The following EPM2A variants were observed in gnomAD, a reference collection of about 807,000 sequenced individuals.
EPM2A encodes laforin.
In EPM2A, 21 loss-of-function variants were observed where a neutral mutation model predicts 26.5. The observed-to-expected ratio is 0.79, with a 90% confidence interval of 0.56 to 1.14. EPM2A has a LOEUF of 1.14. Ranked by LOEUF, EPM2A falls within the 50% of genes most tolerant of loss-of-function variation. EPM2A has a pLI of 0.00. For missense variants in EPM2A, 458 were observed against 440.8 expected (o/e 1.04, Z -0.35); for synonymous variants, 217 against 177.6 (o/e 1.22, Z -1.76).
intron 4 of EPM2A, among the ~76,000 whole-genome samples, chr6:145,387,911 G>C (rs1302133896): frequency 6.6e-6 from 1 of 152,024 alleles, no homozygotes; most frequent in African/African-American, 2.4e-5. Context: ...TTTCTGTCAG[G>C]TTGAAGAGGT....
chr6:145,433,006 T>C (rs574453335), intron 4 of EPM2A, among the ~76,000 whole-genome samples: 2 of 152,276 alleles, frequency 1.3e-5, no homozygotes, highest in African/African-American at 4.8e-5. Context: ...CTTCATATAA[T>C]AGAAGAAACT....
intron 2 of EPM2A, among the ~76,000 whole-genome samples, chr6:145,654,999 T>C (rs541363373): frequency 5.3e-5 from 8 of 152,248 alleles, no homozygotes; most frequent in Middle Eastern, 3.4e-3. Context: ...TTATTTACGA[T>C]TGTGAGTGGC....
chr6:145,657,089 CTTTTTTTT>C (rs5880652), intron 2 of EPM2A, among the ~76,000 whole-genome samples: 2 of 121,826 alleles, frequency 1.6e-5, no homozygotes, highest in Non-Finnish European at 3.4e-5. Flanking sequence ...GTCATTTTTC[CTTTTTTTT>C]TTTTTTTTTT....
intron 4 of EPM2A, among the ~76,000 whole-genome samples, chr6:145,407,209 T>C (rs1040931190): frequency 6.6e-6 from 1 of 152,166 alleles, no homozygotes; most frequent in Non-Finnish European, 1.5e-5. Flanking sequence ...GATGAAACCA[T>C]GTCCATATAT....
chr6:145,627,757 C>G, intron 3 of EPM2A, 64 bp from the exon 4 acceptor site: 1 of 1,585,248 alleles, frequency 6.3e-7, no homozygotes, highest in East Asian at 2.3e-5. Context: ...CCGCTGAGGT[C>G]TCCTCCAGCA....
intron 4 of EPM2A, among the ~76,000 whole-genome samples, chr6:145,394,281 C>T (rs1778376613): frequency 6.6e-6 from 1 of 152,128 alleles, no homozygotes; most frequent in Non-Finnish European, 1.5e-5. Flanking sequence ...ATCCTTTGGA[C>T]ATCTTGACCA....
At chr6:145,557,726 A>G (rs1201684435) in intron 2 of EPM2A, among the ~76,000 whole-genome samples, 1 of 152,028 alleles carries the variant, frequency 6.6e-6, no homozygotes, top group Admixed American at 6.6e-5. Context: ...TCATATACTT[A>G]TTTTATTGTG....
At chr6:145,613,893 T>C (rs912884071) in intron 2 of EPM2A, among the ~76,000 whole-genome samples, 1 of 152,234 alleles carries the variant, frequency 6.6e-6, no homozygotes, top group Non-Finnish European at 1.5e-5. Context: ...AATGAGCATC[T>C]GGCTTCAACT....
At chr6:145,727,653 T>C (rs1776279344) in intron 1 of EPM2A, among the ~76,000 whole-genome samples, 1 of 152,216 alleles carries the variant, frequency 6.6e-6, no homozygotes, top group Non-Finnish European at 1.5e-5. Context: ...GTTTACAATC[T>C]GGTAGGAGAC....
At chr6:145,390,442 C>A (rs1247361207) in intron 4 of EPM2A, among the ~76,000 whole-genome samples, 2 of 152,030 alleles carry the variant, frequency 1.3e-5, no homozygotes, top group Non-Finnish European at 2.9e-5. Context: ...TTTCCAATTC[C>A]TAGGCTGTTT....
intron 1 of EPM2A, among the ~76,000 whole-genome samples, chr6:145,708,013 G>A (rs1782321777): frequency 6.6e-6 from 1 of 152,184 alleles, no homozygotes; most frequent in Non-Finnish European, 1.5e-5. Flanking sequence ...GGTCTCAGAT[G>A]GAGATGAGGA....
At chr6:145,415,686 T>C (rs1046882216) in intron 4 of EPM2A, among the ~76,000 whole-genome samples, 2 of 152,222 alleles carry the variant, frequency 1.3e-5, no homozygotes, top group Non-Finnish European at 2.9e-5. Context: ...CTTTACAAAG[T>C]ACTGTAATGT....
intron 2 of EPM2A, among the ~76,000 whole-genome samples, chr6:145,650,535 G>C (rs1310452739): frequency 6.6e-6 from 1 of 151,180 alleles, no homozygotes; most frequent in African/African-American, 2.4e-5. Flanking sequence ...CTGGGTGACA[G>C]AGTGAGACTC....
At chr6:145,410,307 A>G (rs1275065411) in intron 4 of EPM2A, among the ~76,000 whole-genome samples, 1 of 152,160 alleles carries the variant, frequency 6.6e-6, no homozygotes, top group Non-Finnish European at 1.5e-5. Context: ...AAATGTAACA[A>G]AGAAAGAATG....
chr6:145,477,324 G>C (rs1779555492), intron 4 of EPM2A, among the ~76,000 whole-genome samples: 2 of 151,834 alleles, frequency 1.3e-5, no homozygotes, highest in African/African-American at 4.8e-5. Context: ...GGACCTGATG[G>C]CTTCACTGTT....
chr6:145,491,070 A>ATAACAT, intron 4 of EPM2A: 1 of 760,074 alleles, frequency 1.3e-6, no homozygotes, highest in Non-Finnish European at 2.2e-6. Flanking sequence ...TGATTCTGTG[A>ATAACAT]TAACATTTGA....
At chr6:145,516,986 A>C (rs1046262773) in intron 2 of EPM2A, among the ~76,000 whole-genome samples, 1 of 152,172 alleles carries the variant, frequency 6.6e-6, no homozygotes, top group East Asian at 1.9e-4. Flanking sequence ...CAGATGTGAT[A>C]TACACATACA....
chr6:145,430,064 C>T lies in EPM2A; in HGVS notation c.556-45967G>A, dbSNP rs187519377. 1.1e-3 allele frequency among the ~76,000 whole-genome samples: 173 copies of T among 151,784 alleles called. 1 individual carries two copies. Among genetic ancestry groups the T allele is most frequent in the Non-Finnish European group, 2.0e-3 (135 of 67,922 alleles). The stretch of plus-strand genomic sequence containing the variant: ...AAAATTAGCCCAGCATGGTGGTGGG[C>T]GCCTGTAATCCCAGCTACTCGGAAG... On this transcript the variant is annotated intron_variant, in intron 4 of 4. Coordinates refer to the EPM2A transcript ENST00000638717.
intron 2 of EPM2A, chr6:145,671,093 A>G: frequency 1.0e-6 from 1 of 990,976 alleles, no homozygotes; most frequent in Non-Finnish European, 1.2e-6. Context: ...TAGAAGCAGG[A>G]CTATGTAATT....
Sources: gnomAD v4.1 joint callset for allele counts (sites outside exome capture counted in the v4.1 genomes callset) on GRCh38, gnomAD v4.1.1 for gene constraint, MANE v1.5 for transcripts, NCBI Gene and HGNC (gene_info 2026-07-23, HGNC 2026-07-21) for gene names.